The following BTBD9 variants were observed in gnomAD, a reference collection of about 807,000 sequenced individuals.
The protein encoded by BTBD9 is BTB/POZ domain-containing protein 9.
A neutral mutation model predicts 64.3 loss-of-function variants in BTBD9; 49 were observed. The observed-to-expected ratio is 0.76, with a 90% CI of 0.61 to 0.97. The LOEUF is 0.97. Among genes scored for constraint, BTBD9 ranks in the 50% least tolerant of loss-of-function variants. The probability of loss-of-function intolerance (pLI) is 0.00; values close to 1 mark genes in which losing one functional copy is unlikely to be tolerated. For synonymous variants in BTBD9, 260 were observed against 274.7 expected (o/e 0.95, Z 0.53); for missense variants, 598 against 762.1 (o/e 0.78, Z 2.53).
chr6:38,625,117 A>G (rs1002470605), intron 1 of BTBD9, among the ~76,000 whole-genome samples: 1 of 152,184 alleles, frequency 6.6e-6, no homozygotes, highest in Admixed American at 6.5e-5. Context: ...GTAGACCTTT[A>G]AAGCTTCTAA....
chr6:38,516,368 G>A (rs1773025840), intron 6 of BTBD9, among the ~76,000 whole-genome samples: 1 of 152,136 alleles, frequency 6.6e-6, no homozygotes. Context: ...GTGACTTTAT[G>A]TCCCTAGGTT....
intron 8 of BTBD9, among the ~76,000 whole-genome samples, chr6:38,264,317 A>C (rs1363729331): frequency 6.6e-6 from 1 of 152,174 alleles, no homozygotes; most frequent in Non-Finnish European, 1.5e-5. Flanking sequence ...TGAGGAGGTA[A>C]GTGGGATCAG....
At chr6:38,455,310 G>C (rs1485677699) in intron 6 of BTBD9, among the ~76,000 whole-genome samples, 1 of 152,134 alleles carries the variant, frequency 6.6e-6, no homozygotes, top group Non-Finnish European at 1.5e-5. Context: ...GGCAAACACT[G>C]ATCTGCTTTC....
intron 9 of BTBD9, among the ~76,000 whole-genome samples, chr6:38,228,923 G>A (rs1763505316): frequency 6.6e-6 from 1 of 151,998 alleles, no homozygotes; most frequent in Non-Finnish European, 1.5e-5. Flanking sequence ...TCTAGGCTGG[G>A]CATGGTGGCT....
At chr6:38,183,491 A>G (rs548735904) in intron 10 of BTBD9, among the ~76,000 whole-genome samples, 29 of 152,162 alleles carry the variant, frequency 1.9e-4, no homozygotes, top group Non-Finnish European at 4.0e-4. Context: ...CCTTCCACTC[A>G]CTGCTCGCTC....
intron 4 of BTBD9, among the ~76,000 whole-genome samples, chr6:38,590,913 AT>A (rs971276880): frequency 3.3e-5 from 5 of 151,952 alleles, no homozygotes; most frequent in African/African-American, 1.2e-4. Context: ...ATCAAGATCT[AT>A]TTTTTTCCAT....
chr6:38,291,554 C>A (rs1252001570), intron 7 of BTBD9, among the ~76,000 whole-genome samples: 5 of 152,140 alleles, frequency 3.3e-5, no homozygotes, highest in Non-Finnish European at 7.3e-5. Flanking sequence ...GGTGAGAGGG[C>A]ATCCTTGTCT....
chr6:38,324,895 A>C (rs1363780346), intron 7 of BTBD9, among the ~76,000 whole-genome samples: 1 of 152,184 alleles, frequency 6.6e-6, no homozygotes, highest in African/African-American at 2.4e-5. Flanking sequence ...AGCTGAAGAC[A>C]ACCTAGGTTT....
At chr6:38,504,460 C>T (rs1772366627) in intron 6 of BTBD9, 1 of 429,242 alleles carries the variant, frequency 2.3e-6, no homozygotes, top group Non-Finnish European at 4.7e-6. Flanking sequence ...AAGTCCAATC[C>T]CTCTACTGAA....
intron 6 of BTBD9, among the ~76,000 whole-genome samples, chr6:38,501,270 T>A (rs569665336): frequency 1.3e-5 from 2 of 152,170 alleles, no homozygotes; most frequent in Non-Finnish European, 2.9e-5. Flanking sequence ...AGTGCCAACA[T>A]GATGAGCAAA....
intron 1 of BTBD9, among the ~76,000 whole-genome samples, chr6:38,616,827 C>T (rs1292582459): frequency 6.6e-6 from 1 of 152,118 alleles, no homozygotes; most frequent in Non-Finnish European, 1.5e-5. Flanking sequence ...CACAATAAAC[C>T]TTGCTACCGC....
At chr6:38,227,702 C>G (rs1437097348) in intron 9 of BTBD9, among the ~76,000 whole-genome samples, 1 of 152,198 alleles carries the variant, frequency 6.6e-6, no homozygotes, top group Non-Finnish European at 1.5e-5. Context: ...AGCTCTGCTG[C>G]TGACAGAGCT....
chr6:38,383,995 C>T (rs1377076080), intron 6 of BTBD9, among the ~76,000 whole-genome samples: 2 of 152,006 alleles, frequency 1.3e-5, no homozygotes, highest in African/African-American at 4.8e-5. Context: ...ATACGCACTC[C>T]TCCTCAGTCA....
chr6:38,590,789 CT>C (rs1202410580), intron 4 of BTBD9, among the ~76,000 whole-genome samples: 1 of 152,154 alleles, frequency 6.6e-6, no homozygotes, highest in African/African-American at 2.4e-5. Flanking sequence ...AGTATTGTTT[CT>C]TTTCTTAGTG....
intron 6 of BTBD9, among the ~76,000 whole-genome samples, chr6:38,517,952 C>T (rs1337619494): frequency 2.0e-5 from 3 of 152,080 alleles, no homozygotes; most frequent in East Asian, 1.9e-4. Flanking sequence ...AGCCACTAGG[C>T]TTATAGGAAT....
At chr6:38,639,163 A>C (rs1026205552) in intron 1 of BTBD9, among the ~76,000 whole-genome samples, 1 of 152,248 alleles carries the variant, frequency 6.6e-6, no homozygotes, top group African/African-American at 2.4e-5. Flanking sequence ...GCCTATCAGC[A>C]CCTTGGTCTC....
chr6:38,213,020 G>A (rs952649407), intron 9 of BTBD9, among the ~76,000 whole-genome samples: 2 of 147,400 alleles, frequency 1.4e-5, no homozygotes, highest in African/African-American at 5.2e-5. Context: ...TGAATTTCAG[G>A]TGTTTTTTTT....
chr6:38,435,241 CCTCAGTAGA>C (rs1355870868), intron 6 of BTBD9, among the ~76,000 whole-genome samples: 1 of 151,602 alleles, frequency 6.6e-6, no homozygotes, highest in Non-Finnish European at 1.5e-5. Flanking sequence ...TGTTCCATAT[CCTCAGTAGA>C]CTAATGCAGG....
intron 6 of BTBD9, among the ~76,000 whole-genome samples, chr6:38,369,417 C>A (rs566184327): frequency 1.3e-5 from 2 of 152,310 alleles, no homozygotes; most frequent in Admixed American, 1.3e-4. Flanking sequence ...CCCCTCAAGT[C>A]TTCTTTTCAT....
Sources: gnomAD v4.1 joint callset for allele counts (sites outside exome capture counted in the v4.1 genomes callset) on GRCh38, gnomAD v4.1.1 for gene constraint, MANE v1.5 for transcripts, NCBI Gene and HGNC (gene_info 2026-07-23, HGNC 2026-07-21) for gene names.